The following MAF variants were observed in gnomAD, a reference collection of about 807,000 sequenced individuals.
MAF encodes MAF bZIP transcription factor.
A neutral mutation model predicts 22.0 loss-of-function variants in MAF; 10 were observed. That is an observed-to-expected ratio of 0.45 (90% CI 0.28 to 0.77). The LOEUF is 0.77. MAF is among the 30% of genes least tolerant of loss of function. The pLI is 0.12. For missense variants in MAF, 544 were observed against 548.4 expected (o/e 0.99, Z 0.08); for synonymous variants, 337 against 255.8 (o/e 1.32, Z -3.03).
chr16:79,576,202 G>T, the MAF span, among the ~76,000 whole-genome samples: 23 of 142,120 alleles, frequency 1.6e-4, no homozygotes, highest in South Asian at 4.6e-3. Context: ...GTTTCATGGG[G>T]AGAGATTAAT....
the MAF span, among the ~76,000 whole-genome samples, chr16:79,279,741 G>C: frequency 6.6e-6 from 1 of 152,008 alleles, no homozygotes; most frequent in African/African-American, 2.4e-5. Context: ...TCCAAGCCTG[G>C]GATTCATTCG....
the MAF span, among the ~76,000 whole-genome samples, chr16:79,288,711 G>A: frequency 6.6e-6 from 1 of 152,156 alleles, no homozygotes; most frequent in Admixed American, 6.5e-5. Flanking sequence ...CATTCCAGGT[G>A]GAAGAGAATA....
the MAF span, among the ~76,000 whole-genome samples, chr16:79,395,406 C>A: frequency 6.6e-6 from 1 of 152,154 alleles, no homozygotes; most frequent in East Asian, 1.9e-4. Context: ...CCACCAGAAC[C>A]TCAGAATATA....
the MAF span, among the ~76,000 whole-genome samples, chr16:79,260,463 C>CTGTCTA: frequency 6.9e-6 from 1 of 145,412 alleles, no homozygotes; most frequent in East Asian, 2.0e-4. Flanking sequence ...ATGTATCTAT[C>CTGTCTA]TATCTATATC....
chr16:79,317,871 G>A, the MAF span, among the ~76,000 whole-genome samples: 1 of 152,094 alleles, frequency 6.6e-6, no homozygotes, highest in African/African-American at 2.4e-5. Flanking sequence ...TCCATTTGGA[G>A]AGTATTTACT....
the MAF span, among the ~76,000 whole-genome samples, chr16:79,278,914 G>C: frequency 2.0e-5 from 3 of 152,142 alleles, no homozygotes; most frequent in South Asian, 6.2e-4. Context: ...CCAGGTTCCT[G>C]GGGAATGGGG....
the MAF span, among the ~76,000 whole-genome samples, chr16:79,540,697 A>G: frequency 6.6e-6 from 1 of 152,152 alleles, no homozygotes; most frequent in Non-Finnish European, 1.5e-5. Flanking sequence ...GAGGTTGACA[A>G]TGTAGATCGA....
the MAF span, among the ~76,000 whole-genome samples, chr16:79,432,486 T>C: frequency 6.6e-6 from 1 of 152,206 alleles, no homozygotes; most frequent in Non-Finnish European, 1.5e-5. Flanking sequence ...AGAACAATTA[T>C]AACAATATAC....
chr16:79,539,199 A>G, the MAF span, among the ~76,000 whole-genome samples: 9 of 152,238 alleles, frequency 5.9e-5, no homozygotes, highest in African/African-American at 2.2e-4. Flanking sequence ...CAATCTTATT[A>G]TATGCATTAA....
chr16:79,500,363 T>A, the MAF span, among the ~76,000 whole-genome samples: 1 of 152,212 alleles, frequency 6.6e-6, no homozygotes, highest in Non-Finnish European at 1.5e-5. Context: ...TATGTGCTCT[T>A]TGGGGTTAGG....
the MAF span, among the ~76,000 whole-genome samples, chr16:79,408,616 C>CTTCT: frequency 4.0e-5 from 6 of 151,496 alleles, 1 homozygote; most frequent in African/African-American, 9.7e-5. Context: ...GCCTTCCTTC[C>CTTCT]TTTCTTCCTT....
the MAF span, among the ~76,000 whole-genome samples, chr16:79,555,639 A>T: frequency 3.0e-4 from 46 of 152,366 alleles, no homozygotes; most frequent in Admixed American, 7.8e-4. Flanking sequence ...TTTGCACACC[A>T]ACATGATGCT....
chr16:79,592,298 A>T (rs1264779556), downstream of MAF, among the ~76,000 whole-genome samples: 1 of 152,208 alleles, frequency 6.6e-6, no homozygotes, highest in East Asian at 1.9e-4. Flanking sequence ...ATCATGAGAC[A>T]GCCTGGGAGA....
At chr16:79,390,222 G>C in the MAF span, among the ~76,000 whole-genome samples, 1 of 151,862 alleles carries the variant, frequency 6.6e-6, no homozygotes, top group Non-Finnish European at 1.5e-5. Flanking sequence ...GGTTTATTTT[G>C]GCAATATTGC....
the MAF span, among the ~76,000 whole-genome samples, chr16:79,561,447 C>T: frequency 1.3e-5 from 2 of 151,538 alleles, no homozygotes; most frequent in African/African-American, 4.9e-5. Context: ...GGTATATCTC[C>T]TAATGCTATC....
the MAF span, among the ~76,000 whole-genome samples, chr16:79,365,270 C>T: frequency 1.4e-4 from 22 of 152,186 alleles, no homozygotes; most frequent in African/African-American, 2.7e-4. Context: ...GCCCTGCTAT[C>T]GTGCACTCTC....
the MAF span, among the ~76,000 whole-genome samples, chr16:79,435,653 CA>C: frequency 6.6e-6 from 1 of 152,184 alleles, no homozygotes; most frequent in African/African-American, 2.4e-5. Flanking sequence ...GTCCTCTTCT[CA>C]GGGCATTTCT....
chr16:79,224,136 G>A, the MAF span, among the ~76,000 whole-genome samples: 2 of 152,172 alleles, frequency 1.3e-5, no homozygotes, highest in Non-Finnish European at 2.9e-5. Context: ...ACCGAATCCA[G>A]CAGCACATCA....
chr16:79,525,431 T>C, the MAF span, among the ~76,000 whole-genome samples: 2 of 152,190 alleles, frequency 1.3e-5, no homozygotes, highest in Admixed American at 1.3e-4. Flanking sequence ...AACAAAGACA[T>C]AGTATGTTGA....
Sources: allele counts gnomAD v4.1 joint callset (sites outside exome capture counted in the v4.1 genomes callset), GRCh38; gene constraint gnomAD v4.1.1; transcripts MANE v1.5; gene names NCBI Gene and HGNC (gene_info 2026-07-23, HGNC 2026-07-21).